The following SESTD1 variants were observed in gnomAD, a reference collection of about 807,000 sequenced individuals.
The protein encoded by SESTD1 is SEC14 domain and spectrin repeat-containing protein 1.
In SESTD1, 43 loss-of-function variants were observed where a neutral mutation model predicts 101.7. The observed-to-expected ratio is 0.42, with a 90% CI of 0.33 to 0.55. SESTD1 has a LOEUF of 0.55. SESTD1 is among the 20% of genes least tolerant of loss of function. The pLI, the probability that SESTD1 is intolerant of heterozygous loss-of-function variation, is 0.07. For synonymous variants in SESTD1, 283 were observed against 286.8 expected, an observed-to-expected ratio of 0.99 and a Z score of 0.13; for missense variants, 647 against 815.1, an observed-to-expected ratio of 0.79 and a Z score of 2.51.
Position 179,172,126 on chromosome 2 carries a change from G to A in SESTD1, c.363C>T (p.Gly121=). The A allele has an allele frequency of 6.3e-7, 1 of 1,594,638 alleles. No homozygotes were observed. Among genetic ancestry groups the A allele is most frequent in the South Asian group, 1.1e-5 (1 of 89,486 alleles). ...FCFWKEKDRL[G]FEVILVSANK... ...AAAAAGAGATTACATTTACCTCAAA[G>A]CCAAGTCTATCCTTCTCCTTCCAAA... The change falls in exon 5 of 18, where the codon GGC becomes GGT. Residue 121 remains glycine (G), a synonymous_variant. Coordinates refer to ENST00000428443, the MANE Select transcript of SESTD1 (RefSeq NM_178123.5).
intron 3 of SESTD1, among the ~76,000 whole-genome samples, chr2:179,178,506 G>A (rs147380617): frequency 6.6e-6 from 1 of 152,164 alleles, no homozygotes; most frequent in Non-Finnish European, 1.5e-5. Flanking sequence ...AAACAAACCT[G>A]ACACACAATG....
chr2:179,199,146 AC>A (rs1459842501), intron 1 of SESTD1, among the ~76,000 whole-genome samples: 3 of 152,134 alleles, frequency 2.0e-5, no homozygotes, highest in African/African-American at 7.2e-5. Flanking sequence ...CCACAGAAAT[AC>A]AAACTACCAT....
intron 1 of SESTD1, among the ~76,000 whole-genome samples, chr2:179,260,878 T>C (rs771812274): frequency 4.6e-5 from 7 of 152,202 alleles, no homozygotes; most frequent in Non-Finnish European, 8.8e-5. Flanking sequence ...AATGTGTATT[T>C]ATAGATAAAT....
chr2:179,103,435 G>T lies in SESTD1; in HGVS notation c.*6464C>A, dbSNP rs2044315136. 1 of 151,980 alleles carries T rather than the reference G, an allele frequency of 6.6e-6. No individual in the cohort carries two copies. Among genetic ancestry groups the T allele is most frequent in the South Asian group, 2.1e-4 (1 of 4,828 alleles). 9.4% of individuals were successfully genotyped at this position (151,980 alleles called of 1,614,324 possible). A position where few individuals can be genotyped will look rare whatever the true frequency, so the allele number is the denominator to read the frequency against. ...TGTGACCCAGCAATTCTAATCCAAGGAATTTACTGCAAAGAAATGAAAACC... is the reference window on the plus strand; with the variant it reads ...TGTGACCCAGCAATTCTAATCCAAGTAATTTACTGCAAAGAAATGAAAACC... On this transcript the variant is annotated 3_prime_UTR_variant, in exon 18 of 18. Transcript: ENST00000428443.
At chr2:179,125,343 T>TC (rs746126024) in intron 10 of SESTD1, among the ~76,000 whole-genome samples, 3 of 152,158 alleles carry the variant, frequency 2.0e-5, no homozygotes, top group Non-Finnish European at 4.4e-5. Context: ...CTCACTTCCA[T>TC]CCTTGATCAA....
At chr2:179,252,304 TA>T (rs1331778829) in intron 1 of SESTD1, among the ~76,000 whole-genome samples, 1 of 152,248 alleles carries the variant, frequency 6.6e-6, no homozygotes, top group Non-Finnish European at 1.5e-5. Flanking sequence ...AATTATAAAG[TA>T]GTAGTGGCTT....
chr2:179,112,644 A>G lies in SESTD1; in HGVS notation c.1961+80T>C. On this transcript the variant is annotated intron_variant, in intron 17 of 17. Coordinates refer to ENST00000428443, the MANE Select transcript of SESTD1 (RefSeq NM_178123.5). ...CAAACCTAATTTACTTGGCTTTTTA[A>G]AGAATAGATTTCCTCTTTTAATGAT... 2.8e-6 allele frequency: 4 copies of G among 1,452,090 alleles called. No individual in the cohort carries two copies. In the South Asian group the frequency reaches 6.3e-5, roughly 23 times the overall value. 90.0% of individuals were successfully genotyped at this position (1,452,090 alleles called of 1,614,324 possible).
At chr2:179,116,435 T>C (rs2044634879) in intron 15 of SESTD1, 3 of 571,102 alleles carry the variant, frequency 5.3e-6, no homozygotes, top group African/African-American at 1.9e-5. Context: ...AATGCCGTAA[T>C]ACATAGCATA....
At chr2:179,257,172 T>C (rs533975442) in intron 1 of SESTD1, among the ~76,000 whole-genome samples, 50 of 151,840 alleles carry the variant, frequency 3.3e-4, no homozygotes, top group Non-Finnish European at 6.8e-4. Flanking sequence ...TGTCATAGAA[T>C]GAGGGAGTCT....
intron 17 of SESTD1, 32 bp from the exon 18 acceptor site, chr2:179,110,060 A>T (rs755031365): frequency 6.2e-7 from 1 of 1,609,392 alleles, no homozygotes; most frequent in Non-Finnish European, 8.5e-7. Context: ...AAAACCTCAG[A>T]TTAATACAAA....
At chr2:179,120,374 A>G (rs796221281) in intron 13 of SESTD1, among the ~76,000 whole-genome samples, 33 of 152,348 alleles carry the variant, frequency 2.2e-4, no homozygotes, top group African/African-American at 6.7e-4. Flanking sequence ...ATGGGTCTAC[A>G]GCACGGGAGA....
chr2:179,182,804 TA>T (rs2046138585), intron 3 of SESTD1, among the ~76,000 whole-genome samples: 2 of 152,158 alleles, frequency 1.3e-5, no homozygotes, highest in South Asian at 4.1e-4. Context: ...CCAATTTTCC[TA>T]AAGTTACATG....
intron 1 of SESTD1, among the ~76,000 whole-genome samples, chr2:179,192,821 G>T (rs1431886352): frequency 2.0e-5 from 3 of 152,190 alleles, no homozygotes; most frequent in Admixed American, 6.6e-5. Context: ...TTATACTCAT[G>T]TCTGAGAGAG....
At chr2:179,116,604 A>ATAATCATGCAGAAAG in intron 15 of SESTD1, 64 bp downstream of exon 15, 1 of 1,612,078 alleles carries the variant, frequency 6.2e-7, no homozygotes, top group Non-Finnish European at 8.5e-7. Flanking sequence ...AAGTTACATT[A>ATAATCATGCAGAAAG]TAATCATGCA....
chr2:179,122,491 T>C (rs1485048974), intron 12 of SESTD1, among the ~76,000 whole-genome samples: 2 of 152,200 alleles, frequency 1.3e-5, no homozygotes, highest in Non-Finnish European at 2.9e-5. Flanking sequence ...AAAGGAACTT[T>C]TTTTTTTTAA....
At chr2:179,240,678 C>CT (rs2047139029) in intron 1 of SESTD1, among the ~76,000 whole-genome samples, 1 of 152,190 alleles carries the variant, frequency 6.6e-6, no homozygotes, top group African/African-American at 2.4e-5. Context: ...ACACAAAACA[C>CT]TGGCCTCACC....
intron 1 of SESTD1, among the ~76,000 whole-genome samples, chr2:179,221,015 T>C (rs533943224): frequency 1.9e-4 from 29 of 152,336 alleles, no homozygotes; most frequent in African/African-American, 6.0e-4. Flanking sequence ...CAAATGTTTA[T>C]ATGTTCACTA....
intron 1 of SESTD1, among the ~76,000 whole-genome samples, chr2:179,227,273 T>C (rs1053633310): frequency 6.6e-6 from 1 of 152,168 alleles, no homozygotes; most frequent in Non-Finnish European, 1.5e-5. Context: ...ATTACAATAT[T>C]CACTATTACC....
chr2:179,178,347 G>C (rs1286517654), intron 3 of SESTD1, among the ~76,000 whole-genome samples: 1 of 152,082 alleles, frequency 6.6e-6, no homozygotes, highest in Admixed American at 6.6e-5. Flanking sequence ...ACTTGCAGAG[G>C]GGGCTAGGCG....
Sources: allele counts gnomAD v4.1 joint callset (sites outside exome capture counted in the v4.1 genomes callset), GRCh38; gene constraint gnomAD v4.1.1; transcripts MANE v1.5; gene names NCBI Gene and HGNC (gene_info 2026-07-23, HGNC 2026-07-21).